The following ARAP2 variants were observed in gnomAD, a reference collection of about 807,000 sequenced individuals.
ARAP2 encodes ArfGAP with RhoGAP domain, ankyrin repeat and PH domain 2, also known as arf-GAP with Rho-GAP domain, ANK repeat and PH domain-containing protein 2.
ARAP2 carries 148 observed loss-of-function variants against 194.5 expected under a neutral mutation model. The observed-to-expected ratio is 0.76, with a 90% confidence interval of 0.67 to 0.87. ARAP2 has a LOEUF of 0.87. Among genes scored for constraint, ARAP2 ranks in the 40% least tolerant of loss-of-function variants. The pLI, the probability that ARAP2 is intolerant of heterozygous loss-of-function variation, is 0.00. For missense variants in ARAP2, 2,128 were observed against 1,989.7 expected (o/e 1.07, Z -1.32); for synonymous variants, 695 against 683.5 (o/e 1.02, Z -0.26).
Position 36,104,431 on chromosome 4 carries a change from A to G in ARAP2, c.4285+3134T>C, listed in dbSNP as rs73806454. ...TTTTAAGGTGTAGCAGAGGTAATGAAATGGAGCAATAACTCTGGAGTAGGT... is the reference window on the plus strand; with the variant it reads ...TTTTAAGGTGTAGCAGAGGTAATGAGATGGAGCAATAACTCTGGAGTAGGT... On this transcript the variant is annotated intron_variant, in intron 27 of 32. Transcript: ENST00000303965. 5.6e-3 allele frequency among the ~76,000 whole-genome samples: 858 copies of G among 152,078 alleles called. 9 individuals are homozygous for G. The highest frequency in any genetic ancestry group is 0.02 in the African/African-American group (810 of 41,530).
At chr4:36,134,408 T>C (rs1049538044) in intron 19 of ARAP2, among the ~76,000 whole-genome samples, 1 of 151,624 alleles carries the variant, frequency 6.6e-6, no homozygotes, top group African/African-American at 2.4e-5. Flanking sequence ...CAAAATTCTG[T>C]TGACTACAGT....
Position 36,210,796 on chromosome 4 carries a change from A to G in ARAP2, c.1134-53T>C. ...CAAAGTGCTATATGTGATTTAAGAC[A>G]TCAGTGACATTTTGAAAATTTATAA... On this transcript the variant is annotated intron_variant, in intron 5 of 32. Coordinates refer to ENST00000303965, the MANE Select transcript of ARAP2 (RefSeq NM_015230.4). 3.9e-6 allele frequency: 5 copies of G among 1,284,750 alleles called. No individual in the cohort carries two copies. In the South Asian group the frequency reaches 7.4e-5, roughly 19 times the overall value. The allele number at this position is 1,284,750 out of a possible 1,614,324, so 79.6% of individuals were successfully genotyped here. A position where few individuals can be genotyped will look rare whatever the true frequency, so the allele number is the denominator to read the frequency against.
chr4:36,082,367 G>C, intron 29 of ARAP2, 81 bp from the exon 30 acceptor site: 1 of 1,403,812 alleles, frequency 7.1e-7, no homozygotes. Context: ...AGATGTTAAG[G>C]AGATGAGATT....
chr4:36,210,556 A>C lies in ARAP2; in HGVS notation c.1321T>G (p.Leu441Val), dbSNP rs1746534375. ...KASKSRTQKALILDSVNRHSY... is the reference protein window; with the variant it reads ...KASKSRTQKAVILDSVNRHSY... ...TGCCTATTAACGGAGTCCAAAATCAAGGCTTTTTGAGTCCTAGATTTAGAT... is the reference window on the plus strand; with the variant it reads ...TGCCTATTAACGGAGTCCAAAATCACGGCTTTTTGAGTCCTAGATTTAGAT... Residue 441 changes from leucine to valine, a missense_variant, in exon 6 of 33, where the codon TTG becomes GTG. By Grantham distance (32) the Leu-to-Val change is conservative. Transcript: ENST00000303965. The C allele has an allele frequency of 1.9e-6, 3 of 1,613,832 alleles. No homozygotes were observed. The highest frequency in any genetic ancestry group is 2.5e-6 in the Non-Finnish European group (3 of 1,179,884).
Position 36,212,303 on chromosome 4 carries a change from C to T in ARAP2, c.1133+93G>A, listed in dbSNP as rs1746932621. ...TGAACTTATCACCATAAACTATTTT[C>T]TCTGACACACAATATTATACTAAGA... On this transcript the variant is annotated intron_variant, in intron 5 of 32. Transcript: ENST00000303965. 8.4e-6 allele frequency: 9 copies of T among 1,071,598 alleles called. No homozygotes were observed. In the South Asian group the frequency reaches 1.7e-4, roughly 20 times the overall value. 66.4% of individuals were successfully genotyped at this position (1,071,598 alleles called of 1,614,324 possible).
At chr4:36,083,244 TA>T (rs971968909) in intron 29 of ARAP2, 123 bp downstream of exon 29, 131 of 721,538 alleles carry the variant, frequency 1.8e-4, no homozygotes, top group East Asian at 3.7e-4. Context: ...GGAAGCAACT[TA>T]AAAAAAATAG....
intron 1 of ARAP2, among the ~76,000 whole-genome samples, chr4:36,241,441 T>C (rs945277034): frequency 6.6e-6 from 1 of 152,186 alleles, no homozygotes; most frequent in Non-Finnish European, 1.5e-5. Context: ...GCAACACTAC[T>C]CGCTCCAAGA....
At chr4:36,149,340 C>T (rs759062958) in intron 16 of ARAP2, among the ~76,000 whole-genome samples, 8 of 152,224 alleles carry the variant, frequency 5.3e-5, no homozygotes, top group Middle Eastern at 3.4e-3. Flanking sequence ...TAGCAGTTCA[C>T]CCTCTTCCTC....
intron 27 of ARAP2, among the ~76,000 whole-genome samples, chr4:36,101,363 T>C (rs1012547175): frequency 2.7e-5 from 4 of 148,042 alleles, no homozygotes; most frequent in South Asian, 4.4e-4. Flanking sequence ...ATATAGTTAC[T>C]ATTGGAACAG....
intron 2 of ARAP2, among the ~76,000 whole-genome samples, chr4:36,222,262 A>AGT (rs1056373342): frequency 2.0e-5 from 3 of 152,130 alleles, no homozygotes; most frequent in Admixed American, 6.6e-5. Context: ...AACATAAGGC[A>AGT]GTGGCCTACA....
chr4:36,108,303 G>A (rs1052303873), intron 26 of ARAP2, among the ~76,000 whole-genome samples: 16 of 151,878 alleles, frequency 1.1e-4, no homozygotes, highest in African/African-American at 3.4e-4. Context: ...AATATTGTCC[G>A]TTACTAAATA....
At chr4:36,097,997 T>C (rs550335684) in intron 27 of ARAP2, among the ~76,000 whole-genome samples, 1 of 152,196 alleles carries the variant, frequency 6.6e-6, no homozygotes, top group South Asian at 2.1e-4. Context: ...GCCAAATTTA[T>C]TTAAGCAGAA....
chr4:36,154,877 A>C (rs1054060523), intron 15 of ARAP2, among the ~76,000 whole-genome samples: 5 of 152,228 alleles, frequency 3.3e-5, no homozygotes, highest in African/African-American at 1.2e-4. Context: ...AAAACTTTCC[A>C]AATAATTCAT....
intron 3 of ARAP2, among the ~76,000 whole-genome samples, chr4:36,048,729 A>G (rs1360719276): frequency 6.6e-6 from 1 of 152,104 alleles, no homozygotes; most frequent in Non-Finnish European, 1.5e-5. Flanking sequence ...ATAGCCAGCA[A>G]TGGGATTACT....
intron 19 of ARAP2, among the ~76,000 whole-genome samples, chr4:36,142,771 C>T (rs752330642): frequency 2.6e-5 from 4 of 151,704 alleles, no homozygotes; most frequent in Admixed American, 2.0e-4. Context: ...GTCATCAAAG[C>T]TCCAACACAG....
chr4:36,202,974 T>C (rs1744727188), intron 6 of ARAP2, among the ~76,000 whole-genome samples: 1 of 152,040 alleles, frequency 6.6e-6, no homozygotes, highest in Non-Finnish European at 1.5e-5. Flanking sequence ...TCTCAGGAAA[T>C]AGATACCAAG....
chr4:36,126,540 A>G (rs1484980826), intron 21 of ARAP2, among the ~76,000 whole-genome samples: 2 of 152,044 alleles, frequency 1.3e-5, no homozygotes, highest in Non-Finnish European at 2.9e-5. Context: ...TCAGGTATAC[A>G]GTACATCAAA....
intron 2 of ARAP2, among the ~76,000 whole-genome samples, chr4:36,218,067 G>C (rs187157716): frequency 6.6e-6 from 1 of 151,956 alleles, no homozygotes; most frequent in East Asian, 1.9e-4. Context: ...ACCAGGTTTC[G>C]TGATTTATTA....
chr4:36,237,278 T>A (rs1030227443), intron 1 of ARAP2, among the ~76,000 whole-genome samples: 4 of 152,212 alleles, frequency 2.6e-5, no homozygotes, highest in Non-Finnish European at 4.4e-5. Context: ...AATCACTAAT[T>A]CCTTGGAAAA....
Sources: allele counts gnomAD v4.1 joint callset (sites outside exome capture counted in the v4.1 genomes callset), GRCh38; gene constraint gnomAD v4.1.1; transcripts MANE v1.5; gene names NCBI Gene and HGNC (gene_info 2026-07-23, HGNC 2026-07-21).